HECW1: variants seen among roughly 807,000 people sequenced by gnomAD.
HECW1 encodes the protein E3 ubiquitin-protein ligase HECW1.
HECW1 carries 61 observed loss-of-function variants against 182.3 expected under a neutral mutation model. The observed-to-expected ratio is 0.33, with a 90% CI of 0.27 to 0.41. The LOEUF is 0.41. Among genes scored for constraint, HECW1 ranks in the 10% least tolerant of loss-of-function variants. The pLI, the probability that HECW1 is intolerant of heterozygous loss-of-function variation, is 1.00. For synonymous variants in HECW1, 859 were observed against 832.6 expected (o/e 1.03, Z -0.55); for missense variants, 1,739 against 2,108.9 (o/e 0.82, Z 3.44).
intron 5 of HECW1, among the ~76,000 whole-genome samples, chr7:43,328,350 G>A (rs1044298745): frequency 3.3e-5 from 5 of 152,090 alleles, no homozygotes; most frequent in East Asian, 1.9e-4. Flanking sequence ...GTGACTATTC[G>A]TGCAAGGCAA....
chr7:43,276,447 T>TA (rs1394676290), intron 3 of HECW1, among the ~76,000 whole-genome samples: 1 of 148,960 alleles, frequency 6.7e-6, no homozygotes, highest in Non-Finnish European at 1.5e-5. Context: ...GACTACATTT[T>TA]AAAAAATATA....
At chr7:43,493,037 T>A (rs777911713) in intron 18 of HECW1, 47 bp from the exon 19 acceptor site, 4 of 1,316,886 alleles carry the variant, frequency 3.0e-6, no homozygotes, top group Admixed American at 3.5e-5. Context: ...AGAGTGATTA[T>A]CTCTGGGCTG....
At chr7:43,217,451 T>C (rs1483421729) in intron 2 of HECW1, among the ~76,000 whole-genome samples, 1 of 152,234 alleles carries the variant, frequency 6.6e-6, no homozygotes, top group African/African-American at 2.4e-5. Flanking sequence ...TGGATTATAG[T>C]TGAATGTCTA....
intron 24 of HECW1, among the ~76,000 whole-genome samples, chr7:43,522,863 G>A (rs572873537): frequency 6.6e-6 from 1 of 152,318 alleles, no homozygotes; most frequent in South Asian, 2.1e-4. Flanking sequence ...GTGCCAGGAG[G>A]ACAGGGAGCT....
At chr7:43,318,177 A>T (rs1013497179) in intron 4 of HECW1, among the ~76,000 whole-genome samples, 1 of 152,180 alleles carries the variant, frequency 6.6e-6, no homozygotes, top group Non-Finnish European at 1.5e-5. Context: ...TATTAAAGGG[A>T]ATATCCCAGT....
intron 2 of HECW1, among the ~76,000 whole-genome samples, chr7:43,145,638 G>C (rs1184300832): frequency 6.6e-6 from 1 of 152,090 alleles, no homozygotes; most frequent in East Asian, 1.9e-4. Context: ...CTGCTGTAGA[G>C]GTCTAGAGAA....
intron 2 of HECW1, among the ~76,000 whole-genome samples, chr7:43,171,904 GT>G (rs1791729362): frequency 6.6e-6 from 1 of 152,106 alleles, no homozygotes; most frequent in African/African-American, 2.4e-5. Flanking sequence ...TGAGCTTTAA[GT>G]TTTGATGAGC....
intron 2 of HECW1, among the ~76,000 whole-genome samples, chr7:43,117,457 C>T (rs943359088): frequency 6.7e-6 from 1 of 150,174 alleles, no homozygotes; most frequent in African/African-American, 2.5e-5. Context: ...GGAGTCAGAG[C>T]TTCACAACCT....
At chr7:43,244,256 C>T (rs187713237) in intron 3 of HECW1, among the ~76,000 whole-genome samples, 10 of 152,300 alleles carry the variant, frequency 6.6e-5, no homozygotes, top group Admixed American at 2.0e-4. Context: ...CTGAGAGCTC[C>T]GCTGTCTATG....
chr7:43,307,689 G>A (rs1807760647), intron 3 of HECW1, among the ~76,000 whole-genome samples: 3 of 151,936 alleles, frequency 2.0e-5, no homozygotes, highest in African/African-American at 4.8e-5. Flanking sequence ...GTGAATGTCT[G>A]GGAGAAACAT....
At chr7:43,488,579 G>A (rs2078810817) in intron 17 of HECW1, among the ~76,000 whole-genome samples, 1 of 152,222 alleles carries the variant, frequency 6.6e-6, no homozygotes, top group African/African-American at 2.4e-5. Flanking sequence ...TCACTCAGTT[G>A]CTGTCAGACG....
intron 11 of HECW1, among the ~76,000 whole-genome samples, chr7:43,448,629 T>C (rs1584941337): frequency 6.6e-6 from 1 of 152,230 alleles, no homozygotes; most frequent in East Asian, 1.9e-4. Flanking sequence ...TGAGGGTAAC[T>C]GTTTATATTA....
rs769356961 is a variant in HECW1, at chr7:43,501,333, T to C, written c.3631+11T>C. The C allele has an allele frequency of 1.3e-6, 2 of 1,487,058 alleles. No individual in the cohort carries two copies. The highest frequency in any genetic ancestry group is 2.3e-5 in the South Asian group (2 of 87,330). 92.1% of individuals were successfully genotyped at this position (1,487,058 alleles called of 1,614,324 possible). A position where few individuals can be genotyped will look rare whatever the true frequency, so the allele number is the denominator to read the frequency against. Reference sequence around the variant, plus strand: ...CTCAGAACTCCCCAGGTAACAGGAATCTGGCCTAATAGCTCCTGTTAAGTG... The same window carrying C: ...CTCAGAACTCCCCAGGTAACAGGAACCTGGCCTAATAGCTCCTGTTAAGTG... On this transcript the variant is annotated intron_variant, in intron 21 of 29. Coordinates refer to ENST00000395891, the MANE Select transcript of HECW1 (RefSeq NM_015052.5).
intron 19 of HECW1, 144 bp from the exon 20 acceptor site, chr7:43,500,555 A>G: frequency 1.5e-6 from 1 of 676,984 alleles, no homozygotes; most frequent in Non-Finnish European, 2.6e-6. Context: ...CTGTGATACA[A>G]ACTTAGAATT....
At chr7:43,499,560 G>T (rs1448843962) in intron 19 of HECW1, among the ~76,000 whole-genome samples, 1 of 151,724 alleles carries the variant, frequency 6.6e-6, no homozygotes, top group East Asian at 1.9e-4. Flanking sequence ...GGGGTATACA[G>T]GATCTGTCTG....
At chr7:43,545,548 A>C (rs1273492042) in intron 26 of HECW1, among the ~76,000 whole-genome samples, 1 of 152,234 alleles carries the variant, frequency 6.6e-6, no homozygotes, top group Non-Finnish European at 1.5e-5. Context: ...TTGATTTTCC[A>C]AAAACTTAAC....
At chr7:43,203,906 T>C (rs575318518) in intron 2 of HECW1, among the ~76,000 whole-genome samples, 2 of 152,386 alleles carry the variant, frequency 1.3e-5, no homozygotes, top group East Asian at 1.9e-4. Flanking sequence ...CTTGCTATTA[T>C]GTAATATCTT....
intron 3 of HECW1, among the ~76,000 whole-genome samples, chr7:43,252,521 C>T (rs1212065988): frequency 1.3e-5 from 2 of 152,228 alleles, no homozygotes; most frequent in Non-Finnish European, 2.9e-5. Flanking sequence ...AAGTTGGGAA[C>T]ACCCTGGCTT....
intron 2 of HECW1, chr7:43,121,911 C>T (rs776825546): frequency 3.9e-5 from 6 of 152,258 alleles, no homozygotes; most frequent in Admixed American, 1.3e-4. Context: ...CTTCTTTCTC[C>T]GAATGTGAAA....
Sources: gnomAD v4.1 joint callset for allele counts (sites outside exome capture counted in the v4.1 genomes callset) on GRCh38, gnomAD v4.1.1 for gene constraint, MANE v1.5 for transcripts, NCBI Gene and HGNC (gene_info 2026-07-23, HGNC 2026-07-21) for gene names.